MXI1: variants seen among roughly 807,000 people sequenced by gnomAD.
MXI1 encodes MAX interactor 1, dimerization protein.
MXI1 carries 18 observed loss-of-function variants against 36.9 expected under a neutral mutation model. That is an observed-to-expected ratio of 0.49 (90% CI 0.34 to 0.72). The LOEUF is 0.72. Among genes scored for constraint, MXI1 ranks in the 30% least tolerant of loss-of-function variants. The probability of loss-of-function intolerance (pLI) is 0.01; values close to 1 mark genes in which losing one functional copy is unlikely to be tolerated. For synonymous variants in MXI1, 160 were observed against 146.7 expected (o/e 1.09, Z -0.65); for missense variants, 304 against 379.1 (o/e 0.80, Z 1.64).
intron 1 of MXI1, 196 bp downstream of exon 1, chr10:110,208,278 G>A (rs1336471689): frequency 1.9e-6 from 1 of 515,614 alleles, no homozygotes; most frequent in Non-Finnish European, 3.2e-6. Flanking sequence ...GACGGGCGAG[G>A]GGGAGAGGGG....
intron 3 of MXI1, among the ~76,000 whole-genome samples, chr10:110,271,535 C>G (rs1405315432): frequency 2.0e-5 from 3 of 152,112 alleles, no homozygotes; most frequent in Non-Finnish European, 2.9e-5. Flanking sequence ...AATTGTTTGG[C>G]CATGGCCTGA....
intron 3 of MXI1, among the ~76,000 whole-genome samples, chr10:110,277,217 C>A (rs11195062): frequency 0.41 from 62,900 of 152,040 alleles, 13,715 homozygotes; most frequent in South Asian, 0.7. Context: ...TAATTTGAAC[C>A]AAATTGACAA....
At chr10:110,275,711 C>G (rs1433257761) in intron 3 of MXI1, among the ~76,000 whole-genome samples, 1 of 152,150 alleles carries the variant, frequency 6.6e-6, no homozygotes, top group Non-Finnish European at 1.5e-5. Context: ...TCTCCAAATG[C>G]CTGTTTCATT....
intron 3 of MXI1, among the ~76,000 whole-genome samples, chr10:110,276,659 T>G (rs1857041408): frequency 6.6e-6 from 1 of 152,104 alleles, no homozygotes; most frequent in Non-Finnish European, 1.5e-5. Flanking sequence ...GGAACAGTGC[T>G]GAGTATGTAA....
intron 3 of MXI1, among the ~76,000 whole-genome samples, chr10:110,269,361 C>T (rs947500027): frequency 9.2e-5 from 14 of 152,264 alleles, no homozygotes; most frequent in African/African-American, 3.4e-4. Flanking sequence ...ATTAGTAGGG[C>T]CACTTTTAAA....
chr10:110,257,010 A>G (rs1445826603), intron 3 of MXI1: 1 of 152,212 alleles, frequency 6.6e-6, no homozygotes, highest in African/African-American at 2.4e-5. Flanking sequence ...TAGCATATGA[A>G]AAGAATATAC....
rs754129680 is a variant in MXI1, at chr10:110,279,167, T to C, written c.438-13T>C. ...AACCAGACTGTGCTGATTTGACTTT[T>C]TGTCTTTCTTAGACGAGCTCATCTG... On this transcript the variant is annotated splice_polypyrimidine_tract_variant and intron_variant, in intron 3 of 5. Transcript: ENST00000332674. 1.1e-5 allele frequency: 18 copies of C among 1,603,180 alleles called. 1 individual carries two copies. The Middle Eastern group carries it at 6.6e-4, about 59-fold the overall frequency.
intron 1 of MXI1, among the ~76,000 whole-genome samples, chr10:110,213,653 C>T (rs1287251158): frequency 6.6e-6 from 1 of 152,140 alleles, no homozygotes; most frequent in Non-Finnish European, 1.5e-5. Context: ...GGGACAGGGC[C>T]TTGGAAGTTA....
intron 3 of MXI1, among the ~76,000 whole-genome samples, chr10:110,258,052 A>G (rs1211542153): frequency 6.6e-6 from 1 of 152,222 alleles, no homozygotes; most frequent in Non-Finnish European, 1.5e-5. Context: ...AGTTTTATAA[A>G]TTTCATTTAA....
chr10:110,248,717 G>C (rs1855961583), intron 3 of MXI1, among the ~76,000 whole-genome samples: 1 of 151,948 alleles, frequency 6.6e-6, no homozygotes. Context: ...AATAAACATT[G>C]TTTATTTCTC....
At chr10:110,222,850 A>G (rs1248115244) in intron 1 of MXI1, among the ~76,000 whole-genome samples, 1 of 152,200 alleles carries the variant, frequency 6.6e-6, no homozygotes, top group Admixed American at 6.5e-5. Context: ...CTGTGGATAG[A>G]GCCCTAAGCT....
At chr10:110,209,306 AGTGT>A in intron 1 of MXI1, among the ~76,000 whole-genome samples, 1 of 151,968 alleles carries the variant, frequency 6.6e-6, no homozygotes, top group Non-Finnish European at 1.5e-5. Context: ...ATGAGGCGCG[AGTGT>A]GTGTGTGTAC....
At chr10:110,211,680 AG>A (rs1391925880) in intron 1 of MXI1, among the ~76,000 whole-genome samples, 3 of 152,208 alleles carry the variant, frequency 2.0e-5, no homozygotes, top group Non-Finnish European at 4.4e-5. Flanking sequence ...AATTACTTCC[AG>A]TGGAGAGGTT....
chr10:110,267,721 A>T (rs1302312085), intron 3 of MXI1, among the ~76,000 whole-genome samples: 6 of 152,188 alleles, frequency 3.9e-5, no homozygotes, highest in Non-Finnish European at 1.5e-5. Context: ...AATTTTTCTT[A>T]AAGAAGCAAT....
At chr10:110,225,945 G>A (rs1426263691) in intron 1 of MXI1, 36 of 906,108 alleles carry the variant, frequency 4.0e-5, no homozygotes, top group Non-Finnish European at 4.5e-5. Context: ...GGCGGGAGGG[G>A]GCGGGCCCCG....
intron 5 of MXI1, among the ~76,000 whole-genome samples, chr10:110,282,024 A>C (rs1002615315): frequency 6.6e-6 from 1 of 152,186 alleles, no homozygotes; most frequent in African/African-American, 2.4e-5. Flanking sequence ...TTTCTCCTAT[A>C]AACATTTTCT....
At chr10:110,283,635 A>G (rs1401012522) in intron 5 of MXI1, among the ~76,000 whole-genome samples, 1 of 151,896 alleles carries the variant, frequency 6.6e-6, no homozygotes, top group African/African-American at 2.4e-5. Context: ...CAGGCTTTGA[A>G]TTTAAGTAAG....
chr10:110,219,125 C>T (rs1854731230), intron 1 of MXI1, among the ~76,000 whole-genome samples: 1 of 152,042 alleles, frequency 6.6e-6, no homozygotes, highest in Non-Finnish European at 1.5e-5. Context: ...TATGGTGAAA[C>T]CCTGTCTCTA....
rs750056476 is a variant in MXI1, at chr10:110,233,165, A to G, written c.407+4844A>G. ...AAGAATCTCATAAAAGCAGTATCTC[A>G]GTTCCACTTTCTAAGATTGAGGACA... On this transcript the variant is annotated intron_variant, in intron 2 of 5. Transcript: ENST00000332674. 3.3e-5 allele frequency among the ~76,000 whole-genome samples: 5 copies of G among 152,304 alleles called. No individual in the cohort carries two copies. In the South Asian group the frequency reaches 1.0e-3, roughly 32 times the overall value.
Sources: allele counts gnomAD v4.1 joint callset (sites outside exome capture counted in the v4.1 genomes callset), GRCh38; gene constraint gnomAD v4.1.1; transcripts MANE v1.5; gene names NCBI Gene and HGNC (gene_info 2026-07-23, HGNC 2026-07-21).